DENND1A: variants seen among roughly 807,000 people sequenced by gnomAD.
DENND1A encodes DENN domain containing 1A.
A neutral mutation model predicts 113.7 loss-of-function variants in DENND1A; 51 were observed. That is an observed-to-expected ratio of 0.45 (90% CI 0.36 to 0.57). DENND1A has a LOEUF of 0.57. DENND1A is among the 20% of genes least tolerant of loss of function. The pLI, the probability that DENND1A is intolerant of heterozygous loss-of-function variation, is 0.00. For synonymous variants in DENND1A, 565 were observed against 570.8 expected, an observed-to-expected ratio of 0.99 and a Z score of 0.14; for missense variants, 1,258 against 1,395.9, an observed-to-expected ratio of 0.90 and a Z score of 1.57.
chr9:123,462,087 C>T (rs1588649671), intron 13 of DENND1A: 1 of 152,222 alleles, frequency 6.6e-6, no homozygotes, highest in African/African-American at 2.4e-5. Context: ...ACTCTTCTAT[C>T]TTAATCCTGC....
chr9:123,713,064 C>T (rs1024136169), intron 5 of DENND1A, among the ~76,000 whole-genome samples: 31 of 152,176 alleles, frequency 2.0e-4, no homozygotes, highest in Admixed American at 2.0e-4. Flanking sequence ...ACCGCCTATA[C>T]GATGCCAACG....
chr9:123,740,825 C>T (rs2068944365), intron 5 of DENND1A, among the ~76,000 whole-genome samples: 1 of 147,888 alleles, frequency 6.8e-6, no homozygotes, highest in Non-Finnish European at 1.5e-5. Flanking sequence ...GGTAATTAAA[C>T]ATGATGGCAT....
intron 13 of DENND1A, among the ~76,000 whole-genome samples, chr9:123,462,505 T>C (rs571188550): frequency 1.4e-4 from 22 of 152,220 alleles, no homozygotes; most frequent in African/African-American, 4.8e-4. Context: ...CTCTTTAAAA[T>C]TGGAACCCTG....
chr9:123,523,668 C>T (rs946202639), intron 13 of DENND1A, among the ~76,000 whole-genome samples: 83 of 152,206 alleles, frequency 5.5e-4, no homozygotes, highest in African/African-American at 1.9e-3. Flanking sequence ...TGTGGAAGAG[C>T]GAAGGCCAGA....
chr9:123,818,973 T>A (rs1268936620), intron 2 of DENND1A, among the ~76,000 whole-genome samples: 1 of 152,196 alleles, frequency 6.6e-6, no homozygotes, highest in South Asian at 2.1e-4. Flanking sequence ...GTGTCATCCG[T>A]AGGCCAGCAA....
intron 1 of DENND1A, among the ~76,000 whole-genome samples, chr9:123,902,174 T>TACACATACAC (rs1851757969): frequency 7.6e-6 from 1 of 132,050 alleles, no homozygotes; most frequent in African/African-American, 2.6e-5. Flanking sequence ...CACACACACA[T>TACACATACAC]ACACACACAC....
At chr9:123,632,284 C>T (rs1482035543) in intron 9 of DENND1A, among the ~76,000 whole-genome samples, 1 of 151,950 alleles carries the variant, frequency 6.6e-6, no homozygotes, top group Non-Finnish European at 1.5e-5. Flanking sequence ...CACCCAAGAA[C>T]AGTTCCCAGT....
At chr9:123,798,179 G>A (rs1834056852) in intron 2 of DENND1A, 1 of 152,140 alleles carries the variant, frequency 6.6e-6, no homozygotes, top group South Asian at 2.1e-4. Context: ...CAGCCAGCCT[G>A]ATAACATAGG....
chr9:123,756,615 C>T (rs867820464), intron 5 of DENND1A, among the ~76,000 whole-genome samples: 2 of 152,274 alleles, frequency 1.3e-5, no homozygotes, highest in Admixed American at 6.5e-5. Context: ...ATTAAAAGCA[C>T]TAATGATACT....
At position 123,422,405 on chromosome 9, in the gene DENND1A, T is replaced by C. The variant is rs2045378067; in HGVS notation, c.1489-10576A>G. ...CCCCCAAAGCAATAGACTTTTTGAG[T>C]GGAATGCAAACGTGGAAGCAATGGG... is the stretch of plus-strand genomic sequence containing the variant. On this transcript the variant is annotated intron_variant, in intron 19 of 23. Coordinates refer to ENST00000394215, the MANE Select transcript of DENND1A (RefSeq NM_001352964.2). This position sits in a 1 kb window ranked among gnomAD's most constrained non-coding sequence, Gnocchi z 4.8. 6.6e-6 allele frequency among the ~76,000 whole-genome samples: 1 copy of C among 152,054 alleles called. No homozygotes were observed.
intron 13 of DENND1A, among the ~76,000 whole-genome samples, chr9:123,533,853 C>T (rs2055525741): frequency 6.6e-6 from 1 of 152,206 alleles, no homozygotes; most frequent in Non-Finnish European, 1.5e-5. Flanking sequence ...CACTCCCTCT[C>T]CTCCACGGCC....
At chr9:123,455,114 G>A (rs950069079) in intron 15 of DENND1A, among the ~76,000 whole-genome samples, 1 of 152,174 alleles carries the variant, frequency 6.6e-6, no homozygotes, top group Non-Finnish European at 1.5e-5. Context: ...GAGCCACCAC[G>A]CTTGGCCGAA....
intron 13 of DENND1A, among the ~76,000 whole-genome samples, chr9:123,518,749 C>A (rs949509252): frequency 8.5e-5 from 13 of 152,098 alleles, no homozygotes; most frequent in African/African-American, 2.7e-4. Context: ...TCCATGCCAC[C>A]CCCACCTGTC....
intron 13 of DENND1A, among the ~76,000 whole-genome samples, chr9:123,534,590 C>T (rs996896027): frequency 8.6e-5 from 13 of 151,790 alleles, no homozygotes; most frequent in Admixed American, 2.0e-4. Flanking sequence ...ATTTACACTG[C>T]TGTCAGCAAA....
Position 123,492,519 on chromosome 9 carries a change from G to A in DENND1A, c.994-34622C>T, listed in dbSNP as rs1004511708. On this transcript the variant is annotated intron_variant, in intron 13 of 23. Transcript: ENST00000394215. ...AAGTGGAGATCATGGGCCAGGTTGT[G>A]AAGGTCTTGGATGCCAGGCCAAGGA... 5 of 152,486 alleles carry A rather than the reference G, an allele frequency of 3.3e-5. No individual in the cohort carries two copies. In the East Asian group the frequency reaches 9.6e-4, roughly 29 times the overall value. 9.4% of individuals were successfully genotyped at this position (152,486 alleles called of 1,614,324 possible).
intron 16 of DENND1A, 93 bp downstream of exon 16, chr9:123,454,646 G>T: frequency 7.9e-7 from 1 of 1,263,928 alleles, no homozygotes; most frequent in Non-Finnish European, 1.1e-6. Flanking sequence ...AGAATGGAGT[G>T]CTCCAGGATG....
intron 2 of DENND1A, among the ~76,000 whole-genome samples, chr9:123,867,551 A>G (rs1845955853): frequency 6.6e-6 from 1 of 152,180 alleles, no homozygotes; most frequent in Non-Finnish European, 1.5e-5. Context: ...TTTTTTGGAA[A>G]GAATATTTTG....
intron 20 of DENND1A, 70 bp downstream of exon 20, chr9:123,411,706 G>A: frequency 1.0e-6 from 1 of 970,640 alleles, no homozygotes; most frequent in Non-Finnish European, 1.2e-6. Flanking sequence ...AACTCTGGAG[G>A]TTTAGTCAGG....
intron 10 of DENND1A, among the ~76,000 whole-genome samples, chr9:123,617,609 T>C (rs75261153): frequency 0.043 from 6,517 of 152,236 alleles, 174 homozygotes; most frequent in South Asian, 0.058. Flanking sequence ...AAGCCTGGGG[T>C]AGCCCGCCCT....
Sources: allele counts gnomAD v4.1 joint callset (sites outside exome capture counted in the v4.1 genomes callset), GRCh38; gene constraint gnomAD v4.1.1; non-coding constraint Gnocchi (gnomAD v3.1); transcripts MANE v1.5; gene names NCBI Gene and HGNC (gene_info 2026-07-23, HGNC 2026-07-21).